Variants in ZFP2 observed in about 807,000 individuals in gnomAD.
ZFP2 encodes zinc finger protein ZFP2.
A neutral mutation model predicts 36.1 loss-of-function variants in ZFP2; 33 were observed. The observed-to-expected ratio is 0.92, with a 90% CI of 0.69 to 1.22. The LOEUF (loss-of-function observed/expected upper bound fraction) is 1.22. ZFP2 is among the 50% of genes most tolerant of loss of function. The pLI, the probability that ZFP2 is intolerant of heterozygous loss-of-function variation, is 0.00. For missense variants in ZFP2, 522 were observed against 551.4 expected (o/e 0.95, Z 0.53); for synonymous variants, 170 against 178.0 (o/e 0.96, Z 0.36).
chr5:178,912,650 G>C lies in ZFP2; in HGVS notation c.-383G>C, dbSNP rs999207270. ...CTCTTGGGAAGAGTGGATTCAAGCA[G>C]ATTCTGCTCAGAGGATGACCGTGTA... On this transcript the variant is annotated 5_prime_UTR_variant, in exon 2 of 5. Coordinates refer to ENST00000361362, the MANE Select transcript of ZFP2 (RefSeq NM_030613.4). The C allele has an allele frequency of 6.6e-6, 7 of 1,058,814 alleles. No homozygotes were observed. The African/African-American group carries it at 1.2e-4, about 18-fold the overall frequency. 65.6% of individuals were successfully genotyped at this position (1,058,814 alleles called of 1,614,324 possible).
intron 1 of ZFP2, among the ~76,000 whole-genome samples, chr5:178,905,013 T>G (rs1302130494): frequency 2.6e-5 from 4 of 152,134 alleles, no homozygotes; most frequent in Non-Finnish European, 5.9e-5. Flanking sequence ...TTTTGGTATT[T>G]CGTAAAGCAA....
Position 178,898,256 on chromosome 5 carries a change from G to A in ZFP2, c.-450+2282G>A, listed in dbSNP as rs556512137. 2.0e-5 allele frequency among the ~76,000 whole-genome samples: 3 copies of A among 152,314 alleles called. No individual in the cohort carries two copies. In the East Asian group the frequency reaches 5.8e-4, roughly 29 times the overall value. ...CCACCTTGGCCTCCCAAAGTGCTGG[G>A]ATTACAGGCGTGAGCCACCGCGCAT... On this transcript the variant is annotated intron_variant, in intron 1 of 4. Coordinates refer to ENST00000361362, the MANE Select transcript of ZFP2 (RefSeq NM_030613.4).
intron 4 of ZFP2, among the ~76,000 whole-genome samples, chr5:178,920,619 A>G (rs1758540058): frequency 6.6e-6 from 1 of 151,704 alleles, no homozygotes; most frequent in Non-Finnish European, 1.5e-5. Context: ...CTTGGGCAAC[A>G]GAGTGAGACT....
At chr5:178,909,285 G>T (rs1331505669) in intron 1 of ZFP2, among the ~76,000 whole-genome samples, 1 of 152,208 alleles carries the variant, frequency 6.6e-6, no homozygotes, top group African/African-American at 2.4e-5. Flanking sequence ...TAAACTAGAA[G>T]AACGTGTTTC....
intron 1 of ZFP2, among the ~76,000 whole-genome samples, chr5:178,902,781 C>T (rs1442016084): frequency 1.3e-5 from 2 of 152,172 alleles, no homozygotes; most frequent in Admixed American, 1.3e-4. Flanking sequence ...GAGATGACTA[C>T]AAAAGCCCAT....
intron 4 of ZFP2, among the ~76,000 whole-genome samples, chr5:178,925,653 T>C (rs1422516213): frequency 6.7e-6 from 1 of 149,176 alleles, no homozygotes; most frequent in Non-Finnish European, 1.5e-5. Context: ...ACTGTTGAGA[T>C]TGGGCATCTT....
In ZFP2 at chr5:178,931,863, A is replaced by T. The variant is rs761219520; in HGVS notation, c.550A>T (p.Lys184Ter). Reference sequence around the variant, plus strand: ...CCATCAACGAACTCACACCGGAGAGAAACCCTATCAGTGTAAAGAGTGTGG... The same window carrying T: ...CCATCAACGAACTCACACCGGAGAGTAACCCTATCAGTGTAAAGAGTGTGG... ...TVHQRTHTGE[K>*]PYQCKECGKA... The change falls in exon 5 of 5, where the codon AAA (lysine) becomes TAA (stop). Residue 184 changes from lysine to a stop codon, truncating the protein, a stop_gained. Transcript: ENST00000361362. LOFTEE classifies it high-confidence loss of function. 6.2e-7 allele frequency: 1 copy of T among 1,612,934 alleles called. No homozygotes were observed. Among genetic ancestry groups the T allele is most frequent in the Non-Finnish European group, 8.5e-7 (1 of 1,179,034 alleles).
chr5:178,904,004 G>GA (rs200657757), intron 1 of ZFP2, among the ~76,000 whole-genome samples: 27 of 140,230 alleles, frequency 1.9e-4, no homozygotes, highest in Admixed American at 5.7e-4. Context: ...AAAGAAAAAA[G>GA]AAAAAAAAAA....
At chr5:178,901,729 G>A (rs1479029386) in intron 1 of ZFP2, among the ~76,000 whole-genome samples, 3 of 151,702 alleles carry the variant, frequency 2.0e-5, no homozygotes, top group Non-Finnish European at 4.4e-5. Context: ...ATAACACTAG[G>A]TATTATAAGC....
chr5:178,915,252 T>A (rs1010858485), intron 3 of ZFP2, among the ~76,000 whole-genome samples: 5 of 151,962 alleles, frequency 3.3e-5, no homozygotes, highest in Non-Finnish European at 7.4e-5. Flanking sequence ...TTTGATACTG[T>A]GTTTTCATCT....
chr5:178,929,943 G>GGA (rs1554107551), intron 4 of ZFP2, among the ~76,000 whole-genome samples: 3 of 100,134 alleles, frequency 3.0e-5, no homozygotes, highest in Admixed American at 2.5e-4. Flanking sequence ...GCTTGACGGT[G>GGA]GGGGGGGGGG....
In ZFP2 at chr5:178,916,563, A is replaced by C. The variant is rs1385544013; in HGVS notation, c.-223-2A>C. On this transcript the variant is annotated splice_acceptor_variant, in intron 3 of 4. Coordinates refer to ENST00000361362, the MANE Select transcript of ZFP2 (RefSeq NM_030613.4). LOFTEE classifies it low-confidence loss of function (5UTR_SPLICE). Reference sequence around the variant, plus strand: ...GCAAACTCCAGATCTTGTTCTTTCCAGATTTTCTTGGATATTGCTGTCAGA... The same window carrying C: ...GCAAACTCCAGATCTTGTTCTTTCCCGATTTTCTTGGATATTGCTGTCAGA... 2 of 985,442 alleles carry C rather than the reference A, an allele frequency of 2.0e-6. No homozygotes were observed. Among genetic ancestry groups the C allele is most frequent in the Non-Finnish European group, 2.4e-6 (2 of 829,928 alleles). 61.0% of individuals were successfully genotyped at this position (985,442 alleles called of 1,614,324 possible).
chr5:178,927,845 G>A (rs1159235950), intron 4 of ZFP2, among the ~76,000 whole-genome samples: 1 of 151,690 alleles, frequency 6.6e-6, no homozygotes, highest in Non-Finnish European at 1.5e-5. Context: ...CTGAGTCTGG[G>A]TAATTTATAA....
At position 178,912,661 on chromosome 5, in the gene ZFP2, G is replaced by C. The variant is rs1271465861; in HGVS notation, c.-372G>C. ...AGTGGATTCAAGCAGATTCTGCTCA[G>C]AGGATGACCGTGTATGGGGAGGTGA... On this transcript the variant is annotated 5_prime_UTR_variant, in exon 2 of 5. Coordinates refer to ENST00000361362, the MANE Select transcript of ZFP2 (RefSeq NM_030613.4). 4 of 1,061,518 alleles carry C rather than the reference G, an allele frequency of 3.8e-6. No homozygotes were observed. Among genetic ancestry groups the C allele is most frequent in the Non-Finnish European group, 4.6e-6 (4 of 862,826 alleles). The allele number at this position is 1,061,518 out of a possible 1,614,324, so 65.8% of individuals were successfully genotyped here.
chr5:178,902,615 GATTA>G, intron 1 of ZFP2, among the ~76,000 whole-genome samples: 1 of 152,234 alleles, frequency 6.6e-6, no homozygotes, highest in East Asian at 1.9e-4. Context: ...TTCAGATTGT[GATTA>G]ATTAAAATTT....
chr5:178,906,898 A>G (rs1758178453), intron 1 of ZFP2, among the ~76,000 whole-genome samples: 1 of 151,890 alleles, frequency 6.6e-6, no homozygotes, highest in Non-Finnish European at 1.5e-5. Flanking sequence ...TTTTTATTTA[A>G]AAGATTCCCT....
Position 178,931,380 on chromosome 5 carries a change from G to T in ZFP2, c.67G>T (p.Gly23Ter). Reference protein sequence around the residue: ...ETWEPNNWLEGQQDSHLSQVG... With the variant: ...ETWEPNNWLE ...CTGGGAACCTAATAATTGGTTAGAGGGACAACAGGATAGTCATCTGAGCCA... is the reference window on the plus strand; with the variant it reads ...CTGGGAACCTAATAATTGGTTAGAGTGACAACAGGATAGTCATCTGAGCCA... The change falls in exon 5 of 5, where the codon GGA becomes TGA. Residue 23 changes from glycine to a stop codon, truncating the protein, a stop_gained. Transcript: ENST00000361362. LOFTEE classifies it high-confidence loss of function. 7 of 1,613,948 alleles carry T rather than the reference G, an allele frequency of 4.3e-6. No homozygotes were observed. Among genetic ancestry groups the T allele is most frequent in the Non-Finnish European group, 5.9e-6 (7 of 1,179,980 alleles).
At chr5:178,926,853 C>T (rs1329111872) in intron 4 of ZFP2, among the ~76,000 whole-genome samples, 1 of 152,136 alleles carries the variant, frequency 6.6e-6, no homozygotes, top group Admixed American at 6.5e-5. Context: ...TTGACAGTTC[C>T]TCTGTTTGGG....
intron 4 of ZFP2, 84 bp downstream of exon 4, chr5:178,916,794 T>C: frequency 3.2e-6 from 3 of 948,932 alleles, no homozygotes; most frequent in Non-Finnish European, 3.8e-6. Flanking sequence ...ACATATCTTT[T>C]GTTTTGTTGG....
Sources: gnomAD v4.1 joint callset for allele counts (sites outside exome capture counted in the v4.1 genomes callset) on GRCh38, gnomAD v4.1.1 for gene constraint, MANE v1.5 for transcripts, NCBI Gene and HGNC (gene_info 2026-07-23, HGNC 2026-07-21) for gene names.